The following OSBPL10 variants were observed in gnomAD, a reference collection of about 807,000 sequenced individuals.
OSBPL10 encodes the protein oxysterol-binding protein-related protein 10.
In OSBPL10, 49 loss-of-function variants were observed where a neutral mutation model predicts 81.7. The observed-to-expected ratio is 0.60, with a 90% CI of 0.48 to 0.76. OSBPL10 has a LOEUF of 0.76. Ranked by LOEUF, OSBPL10 falls within the 30% of genes least tolerant of loss-of-function variation. The pLI, the probability that OSBPL10 is intolerant of heterozygous loss-of-function variation, is 0.00. For missense variants in OSBPL10, 923 were observed against 987.8 expected (o/e 0.93, Z 0.88); for synonymous variants, 419 against 383.6 (o/e 1.09, Z -1.08).
At position 31,823,443 on chromosome 3, in the gene OSBPL10, GCAAGCT is replaced by G. The variant is rs751004610; in HGVS notation, c.729+6591_729+6596del. 3.2e-3 allele frequency among the ~76,000 whole-genome samples: 493 copies of G among 152,282 alleles called. 4 individuals carry two copies. Among genetic ancestry groups the G allele is most frequent in the Non-Finnish European group, 5.4e-3 (364 of 68,022 alleles). ...AATGAAGGTAGGAGTGGGTGAGTAA[GCAAGCT>G]CACAGTCTAGGGCAGTGCTATCCAA... On this transcript the variant is annotated intron_variant, in intron 4 of 11. Transcript: ENST00000396556.
intron 6 of OSBPL10, among the ~76,000 whole-genome samples, chr3:31,729,900 C>T (rs1696916301): frequency 6.6e-6 from 1 of 152,212 alleles, no homozygotes; most frequent in Non-Finnish European, 1.5e-5. Context: ...ACCTCCATGC[C>T]ACTGCCTGCC....
rs535805302 is a variant in OSBPL10, at chr3:31,860,712, G to C, written c.537+15721C>G. Among the ~76,000 whole-genome samples the C allele has an allele frequency of 3.9e-5, 6 of 152,254 alleles. No homozygotes were observed. The East Asian group carries it at 1.2e-3, about 29-fold the overall frequency. ...TTGTTTTTAGATGGAGTTTCACTCT[G>C]TCACCCAGGCAGGAGTGCAGTGGCA... On this transcript the variant is annotated intron_variant, in intron 3 of 11. Transcript: ENST00000396556.
intron 6 of OSBPL10, among the ~76,000 whole-genome samples, chr3:31,725,536 G>A (rs13082789): frequency 0.074 from 11,186 of 152,158 alleles, 594 homozygotes; most frequent in Non-Finnish European, 0.12. Flanking sequence ...CCCATGATGA[G>A]AGACCCTCAC....
chr3:32,075,002 G>A (rs997891992), intron 1 of OSBPL10, among the ~76,000 whole-genome samples: 3 of 152,146 alleles, frequency 2.0e-5, no homozygotes, highest in African/African-American at 4.8e-5. Context: ...CCCTCATGAC[G>A]CCAACACGAC....
chr3:31,837,366 TATATATATAG>T (rs1700384257), intron 3 of OSBPL10, among the ~76,000 whole-genome samples: 12 of 30,224 alleles, frequency 4.0e-4, no homozygotes, highest in Admixed American at 3.5e-3. Flanking sequence ...TATATATATA[TATATATATAG>T]TAAGTAACAT....
chr3:31,884,822 T>A (rs1234105253), intron 1 of OSBPL10, among the ~76,000 whole-genome samples: 6 of 152,200 alleles, frequency 3.9e-5, no homozygotes, highest in African/African-American at 1.4e-4. Context: ...GAAGCTACAG[T>A]GTGCAACTTG....
chr3:32,013,255 C>A (rs895069514), intron 2 of OSBPL10, among the ~76,000 whole-genome samples: 1 of 152,164 alleles, frequency 6.6e-6, no homozygotes, highest in East Asian at 1.9e-4. Flanking sequence ...CCTCAGACCA[C>A]GGTGCAAACA....
At chr3:31,779,026 TCAC>T (rs1411007482) in intron 4 of OSBPL10, among the ~76,000 whole-genome samples, 3 of 152,096 alleles carry the variant, frequency 2.0e-5, no homozygotes, top group Admixed American at 1.3e-4. Flanking sequence ...CTGAGAGAAT[TCAC>T]CACCACCAAG....
Position 31,662,766 on chromosome 3 carries a change from C to G in OSBPL10, c.2251-650G>C, listed in dbSNP as rs554163893. The G allele has an allele frequency of 1.8e-5, 18 of 985,336 alleles. No individual in the cohort carries two copies. The African/African-American group carries it at 3.1e-4, about 17-fold the overall frequency. 61.0% of individuals were successfully genotyped at this position (985,336 alleles called of 1,614,324 possible). ...TCAGGAAGAACTGTAAATGTTTTTT[C>G]TTGTTGTTGTTGCTGTTTAATGCAC... is the stretch of plus-strand genomic sequence containing the variant. On this transcript the variant is annotated intron_variant, in intron 11 of 11. Transcript: ENST00000396556.
intron 1 of OSBPL10, among the ~76,000 whole-genome samples, chr3:32,049,747 A>C (rs993113083): frequency 6.6e-6 from 1 of 152,174 alleles, no homozygotes; most frequent in African/African-American, 2.4e-5. Flanking sequence ...GGACATGGAG[A>C]ACTTTTCTTT....
chr3:31,829,495 C>T (rs944409365), intron 4 of OSBPL10, among the ~76,000 whole-genome samples: 1 of 152,184 alleles, frequency 6.6e-6, no homozygotes. Flanking sequence ...TTCCATTTTA[C>T]AGGTGTAGAA....
rs1698641797 is a variant in OSBPL10, at chr3:31,974,457, A to T, written c.281+6442T>A. On this transcript the variant is annotated intron_variant, in intron 1 of 11. Coordinates refer to ENST00000396556, the MANE Select transcript of OSBPL10 (RefSeq NM_017784.5). ...GTACTAGAATGTTCACAGCATTGTG[A>T]CCCTATGAATAGGGTCAAAAACTGA... Among the ~76,000 whole-genome samples the T allele has an allele frequency of 2.6e-5, 4 of 152,288 alleles. No homozygotes were observed. The South Asian group carries it at 6.2e-4, about 24-fold the overall frequency.
intron 8 of OSBPL10, among the ~76,000 whole-genome samples, chr3:31,681,796 A>G (rs1700657599): frequency 6.6e-6 from 1 of 152,188 alleles, no homozygotes; most frequent in African/African-American, 2.4e-5. Context: ...CAGTCTCATT[A>G]GTCTCAAGGC....
rs74730630 is a variant in OSBPL10 at position 31,847,937 on chromosome 3, G to A, written c.538-17706C>T. 7.2e-3 allele frequency among the ~76,000 whole-genome samples: 1,097 copies of A among 152,196 alleles called. 91 individuals carry two copies. In the East Asian group the frequency reaches 0.18, roughly 24 times the overall value. Reference sequence around the variant, plus strand: ...TGCCTGTGGGACGAGGAGCCAGGGGGATGCAGCCCACAGCTCTCCCAAGAC... The same window carrying A: ...TGCCTGTGGGACGAGGAGCCAGGGGAATGCAGCCCACAGCTCTCCCAAGAC... On this transcript the variant is annotated intron_variant, in intron 3 of 11. Transcript: ENST00000396556.
At chr3:32,036,118 G>T (rs1353883825) in intron 2 of OSBPL10, among the ~76,000 whole-genome samples, 1 of 152,190 alleles carries the variant, frequency 6.6e-6, no homozygotes, top group African/African-American at 2.4e-5. Context: ...CACATTCCTA[G>T]ATCGCTGCAG....
At chr3:31,717,625 C>G (rs995142873) in intron 6 of OSBPL10, among the ~76,000 whole-genome samples, 2 of 152,196 alleles carry the variant, frequency 1.3e-5, no homozygotes, top group East Asian at 3.8e-4. Context: ...TTGGTCCAAA[C>G]AGCAGGCATT....
intron 1 of OSBPL10, among the ~76,000 whole-genome samples, chr3:32,057,784 G>A (rs1699724350): frequency 6.6e-6 from 1 of 152,160 alleles, no homozygotes; most frequent in Non-Finnish European, 1.5e-5. Flanking sequence ...ATTGTTTGCT[G>A]CCTCAGATTA....
At chr3:31,959,599 A>G (rs528130853) in intron 1 of OSBPL10, among the ~76,000 whole-genome samples, 21 of 152,338 alleles carry the variant, frequency 1.4e-4, no homozygotes, top group African/African-American at 4.3e-4. Flanking sequence ...AGATAATGAG[A>G]AGCCAGCGGG....
chr3:31,849,625 C>T (rs1700711739), intron 3 of OSBPL10, among the ~76,000 whole-genome samples: 1 of 152,094 alleles, frequency 6.6e-6, no homozygotes, highest in Admixed American at 6.6e-5. Context: ...ATTGCTATAA[C>T]GTTGTTATAC....
Sources: allele counts gnomAD v4.1 joint callset (sites outside exome capture counted in the v4.1 genomes callset), GRCh38; gene constraint gnomAD v4.1.1; transcripts MANE v1.5; gene names NCBI Gene and HGNC (gene_info 2026-07-23, HGNC 2026-07-21).